ROR2: variants seen among roughly 807,000 people sequenced by gnomAD.
ROR2 encodes tyrosine-protein kinase transmembrane receptor ROR2.
In ROR2, 33 loss-of-function variants were observed where a neutral mutation model predicts 74.9. The observed-to-expected ratio is 0.44, with a 90% confidence interval of 0.33 to 0.59. ROR2 has a LOEUF of 0.59. Among genes scored for constraint, ROR2 ranks in the 20% least tolerant of loss-of-function variants. The pLI, the probability that ROR2 is intolerant of heterozygous loss-of-function variation, is 0.02. For synonymous variants in ROR2, 586 were observed against 558.7 expected (o/e 1.05, Z -0.69); for missense variants, 1,216 against 1,313.8 (o/e 0.93, Z 1.15).
At chr9:91,853,028 G>A (rs10118448) in intron 1 of ROR2, among the ~76,000 whole-genome samples, 4,676 of 152,310 alleles carry the variant, frequency 0.031, 247 homozygotes, top group African/African-American at 0.11. Flanking sequence ...CGGGGGTGAG[G>A]GTAAAAATAA....
At chr9:91,860,585 CG>C (rs1829441932) in intron 1 of ROR2, among the ~76,000 whole-genome samples, 1 of 152,116 alleles carries the variant, frequency 6.6e-6, no homozygotes, top group Non-Finnish European at 1.5e-5. Context: ...CCGGGGATGC[CG>C]GGGCACAGCT....
intron 8 of ROR2, 147 bp downstream of exon 8, chr9:91,726,394 G>GAA: frequency 1.4e-5 from 10 of 719,698 alleles, no homozygotes; most frequent in East Asian, 3.0e-5. Flanking sequence ...CTAGTTTACA[G>GAA]AAAAAAAAAA....
At chr9:91,907,795 A>T (rs1247214797) in intron 1 of ROR2, among the ~76,000 whole-genome samples, 1 of 152,162 alleles carries the variant, frequency 6.6e-6, no homozygotes, top group Non-Finnish European at 1.5e-5. Flanking sequence ...GAATGCAGTA[A>T]ATTGAGTCAT....
rs1486285987 is a variant in ROR2 at position 91,723,983 on chromosome 9, G to T, written c.2511C>A (p.Phe837Leu). The change falls in exon 9 of 9, where the codon TTC becomes TTA. Residue 837 changes from phenylalanine (F) to leucine (L), a missense_variant. Physicochemically the swap from Phe to Leu is conservative, Grantham distance 22. Coordinates refer to ENST00000375708, the MANE Select transcript of ROR2 (RefSeq NM_004560.4). ...TCTGCATTGGGATCTGCACCGGGTA[G>T]AAGTTGGGCAGGTAGGCCCCATAGG... ...VPAYGAYLPN[F>L]YPVQIPMQMA... 2 of 1,613,056 alleles carry T rather than the reference G, an allele frequency of 1.2e-6. No individual in the cohort carries two copies. Among genetic ancestry groups the T allele is most frequent in the East Asian group, 4.5e-5 (2 of 44,882 alleles).
At chr9:91,926,075 C>A (rs1470879174) in intron 1 of ROR2, among the ~76,000 whole-genome samples, 1 of 151,926 alleles carries the variant, frequency 6.6e-6, no homozygotes, top group African/African-American at 2.4e-5. Context: ...AAAACCCCAT[C>A]TCTACTAAAA....
At chr9:91,785,714 C>G (rs149740095) in intron 1 of ROR2, among the ~76,000 whole-genome samples, 1 of 152,130 alleles carries the variant, frequency 6.6e-6, no homozygotes, top group African/African-American at 2.4e-5. Context: ...AGAGCCCCTG[C>G]GACACGGCTC....
Position 91,780,606 on chromosome 9 carries a change from C to T in ROR2, c.98-4788G>A, listed in dbSNP as rs570111619. ...AGGAGTTTGAGACCAGCCTGGCCAA[C>T]GTGGTGAAATCCCATCTGTACTAAA... On this transcript the variant is annotated intron_variant, in intron 1 of 8. Transcript: ENST00000375708. Among the ~76,000 whole-genome samples the T allele has an allele frequency of 7.2e-5, 11 of 151,752 alleles. No individual in the cohort carries two copies. The East Asian group carries it at 1.8e-3, about 24-fold the overall frequency.
At chr9:91,892,198 C>A (rs966753213) in intron 1 of ROR2, among the ~76,000 whole-genome samples, 1 of 152,214 alleles carries the variant, frequency 6.6e-6, no homozygotes, top group African/African-American at 2.4e-5. Context: ...CCTTTCTAAA[C>A]TCACCGTGCC....
At chr9:91,934,328 A>G (rs1366140938) in intron 1 of ROR2, among the ~76,000 whole-genome samples, 1 of 151,662 alleles carries the variant, frequency 6.6e-6, no homozygotes, top group African/African-American at 2.4e-5. Context: ...CCCCAGCACC[A>G]GGAGGGGCCA....
At position 91,939,536 on chromosome 9, in the gene ROR2, G is replaced by A. The variant is rs956251932; in HGVS notation, c.97+10331C>T. On this transcript the variant is annotated intron_variant, in intron 1 of 8. Coordinates refer to ENST00000375708, the MANE Select transcript of ROR2 (RefSeq NM_004560.4). ...GTACCTTTTGTCCCTCGTTTAACTGGGGCGTTCATCTTTTTCTCACTGATC... is the reference window on the plus strand; with the variant it reads ...GTACCTTTTGTCCCTCGTTTAACTGAGGCGTTCATCTTTTTCTCACTGATC... Among the ~76,000 whole-genome samples the A allele has an allele frequency of 3.9e-5, 6 of 151,996 alleles. No homozygotes were observed. In the East Asian group the frequency reaches 7.7e-4, roughly 20 times the overall value.
At chr9:91,881,017 C>T (rs1010649341) in intron 1 of ROR2, among the ~76,000 whole-genome samples, 4 of 152,162 alleles carry the variant, frequency 2.6e-5, no homozygotes, top group Non-Finnish European at 4.4e-5. Context: ...GTAGAAAATA[C>T]ATACTAAAGC....
chr9:91,741,341 T>TAAA (rs1001762861), intron 4 of ROR2, among the ~76,000 whole-genome samples: 3 of 132,934 alleles, frequency 2.3e-5, no homozygotes, highest in Non-Finnish European at 3.3e-5. Context: ...ATAATAATAA[T>TAAA]AAAATAATGA....
intron 1 of ROR2, among the ~76,000 whole-genome samples, chr9:91,885,893 G>A (rs1189196225): frequency 4.0e-5 from 4 of 99,880 alleles, no homozygotes; most frequent in Admixed American, 3.9e-4. Context: ...TTTTTTTTGA[G>A]ACAGAATTTC....
intron 1 of ROR2, among the ~76,000 whole-genome samples, chr9:91,806,743 C>T (rs1235957767): frequency 1.3e-5 from 2 of 152,160 alleles, no homozygotes; most frequent in African/African-American, 4.8e-5. Context: ...GCACCCACCA[C>T]CACACCCGGC....
At chr9:91,853,223 C>A (rs1039596822) in intron 1 of ROR2, among the ~76,000 whole-genome samples, 3 of 152,124 alleles carry the variant, frequency 2.0e-5, no homozygotes, top group African/African-American at 4.8e-5. Context: ...CCGGGATGGG[C>A]CTGATCAGAG....
At chr9:91,949,450 G>A (rs1832108701) in intron 1 of ROR2, among the ~76,000 whole-genome samples, 1 of 151,986 alleles carries the variant, frequency 6.6e-6, no homozygotes, top group African/African-American at 2.4e-5. Flanking sequence ...GGGGACACTC[G>A]GGGCCGTGTG....
At chr9:91,944,501 A>G (rs1831961576) in intron 1 of ROR2, among the ~76,000 whole-genome samples, 1 of 152,256 alleles carries the variant, frequency 6.6e-6, no homozygotes. Context: ...TGAGCTAATA[A>G]GCAAATTCCA....
Position 91,914,702 on chromosome 9 carries a change from T to C in ROR2, c.97+35165A>G, listed in dbSNP as rs114205526. Reference sequence around the variant, plus strand: ...CATCTCATTGGTCAGAACCAGGACCTGCAGTCACAGACAACCAATCACTGA... The same window carrying C: ...CATCTCATTGGTCAGAACCAGGACCCGCAGTCACAGACAACCAATCACTGA... On this transcript the variant is annotated intron_variant, in intron 1 of 8. Transcript: ENST00000375708. Among the ~76,000 whole-genome samples, 1,399 of 152,240 alleles carry C rather than the reference T, an allele frequency of 9.2e-3. 22 individuals carry two copies. Among genetic ancestry groups the C allele is most frequent in the African/African-American group, 0.032 (1,313 of 41,516 alleles).
chr9:91,828,025 T>C (rs1828345507), intron 1 of ROR2, among the ~76,000 whole-genome samples: 1 of 152,242 alleles, frequency 6.6e-6, no homozygotes, highest in African/African-American at 2.4e-5. Context: ...TCTTTATTCC[T>C]CCAAATGAGT....
Sources: gnomAD v4.1 joint callset for allele counts (sites outside exome capture counted in the v4.1 genomes callset) on GRCh38, gnomAD v4.1.1 for gene constraint, MANE v1.5 for transcripts, NCBI Gene and HGNC (gene_info 2026-07-23, HGNC 2026-07-21) for gene names.